SLC14A2: variants seen among roughly 807,000 people sequenced by gnomAD.
SLC14A2 encodes solute carrier family 14 member 2.
Under a neutral mutation model 104.6 loss-of-function variants are expected in SLC14A2, and 91 were observed. That is an observed-to-expected ratio of 0.87 (90% CI 0.73 to 1.04). The LOEUF (loss-of-function observed/expected upper bound fraction) is 1.04. Ranked by LOEUF, SLC14A2 falls within the 50% of genes least tolerant of loss-of-function variation. SLC14A2 has a pLI of 0.00. For synonymous variants in SLC14A2, 476 were observed against 466.4 expected (o/e 1.02, Z -0.27); for missense variants, 1,189 against 1,156.0 (o/e 1.03, Z -0.41).
chr18:45,257,346 T>C (rs547147457), intron 1 of SLC14A2, among the ~76,000 whole-genome samples: 2 of 152,284 alleles, frequency 1.3e-5, no homozygotes, highest in African/African-American at 4.8e-5. Flanking sequence ...AGGAAGTTAT[T>C]CCTAACTTTT....
intron 1 of SLC14A2, among the ~76,000 whole-genome samples, chr18:45,286,258 T>C (rs1424230567): frequency 1.3e-5 from 2 of 152,204 alleles, no homozygotes; most frequent in Non-Finnish European, 2.9e-5. Flanking sequence ...TTTCCATCTT[T>C]GTTCATATAA....
the SLC14A2 span, among the ~76,000 whole-genome samples, chr18:45,183,402 A>C: frequency 6.6e-6 from 1 of 152,112 alleles, no homozygotes; most frequent in African/African-American, 2.4e-5. Flanking sequence ...ATGAGCCTTG[A>C]AGTGGGATGG....
At chr18:45,447,308 G>C (rs1023822412) in intron 1 of SLC14A2, 2 of 152,196 alleles carry the variant, frequency 1.3e-5, no homozygotes, top group Non-Finnish European at 2.9e-5. Flanking sequence ...TGTGGAGACA[G>C]TGACCTCCGG....
intron 1 of SLC14A2, among the ~76,000 whole-genome samples, chr18:45,329,374 CCT>C (rs997876019): frequency 1.3e-5 from 2 of 152,136 alleles, no homozygotes; most frequent in African/African-American, 4.8e-5. Flanking sequence ...CAGCACCCTG[CCT>C]CTAGAGTGAT....
At chr18:45,552,975 G>T (rs1467810855) in intron 2 of SLC14A2, among the ~76,000 whole-genome samples, 1 of 152,202 alleles carries the variant, frequency 6.6e-6, no homozygotes, top group East Asian at 1.9e-4. Flanking sequence ...TGGCTGCAGT[G>T]TTGGCTAGGG....
chr18:45,656,406 A>T (rs575639323), intron 10 of SLC14A2, among the ~76,000 whole-genome samples: 1 of 152,350 alleles, frequency 6.6e-6, no homozygotes, highest in East Asian at 1.9e-4. Context: ...TTGTAAACAC[A>T]TCAGGAAAGC....
the SLC14A2 span, among the ~76,000 whole-genome samples, chr18:45,193,514 A>G: frequency 6.6e-6 from 1 of 152,190 alleles, no homozygotes; most frequent in Non-Finnish European, 1.5e-5. Context: ...GCAGAAAATA[A>G]GTTGGTCATA....
At chr18:45,552,966 G>A (rs1054991354) in intron 2 of SLC14A2, among the ~76,000 whole-genome samples, 1 of 152,194 alleles carries the variant, frequency 6.6e-6, no homozygotes, top group Admixed American at 6.5e-5. Flanking sequence ...GGATCATCCT[G>A]GCTGCAGTGT....
the SLC14A2 span, among the ~76,000 whole-genome samples, chr18:45,174,692 A>C: frequency 6.6e-6 from 1 of 152,168 alleles, no homozygotes; most frequent in Non-Finnish European, 1.5e-5. Context: ...GACCAAAAAC[A>C]CAAGAATTGG....
At chr18:45,255,135 G>A (rs1048395102) in intron 1 of SLC14A2, among the ~76,000 whole-genome samples, 1 of 151,498 alleles carries the variant, frequency 6.6e-6, no homozygotes, top group Non-Finnish European at 1.5e-5. Flanking sequence ...CATTCCCCCC[G>A]AACACACTGT....
intron 5 of SLC14A2, 46 bp from the exon 6 acceptor site, chr18:45,636,944 C>T: frequency 6.7e-7 from 1 of 1,494,718 alleles, no homozygotes; most frequent in Non-Finnish European, 9.2e-7. Flanking sequence ...ACAATGTAGA[C>T]CTCAGGATGT....
At chr18:45,227,247 T>C (rs1333274271) in intron 1 of SLC14A2, among the ~76,000 whole-genome samples, 1 of 152,148 alleles carries the variant, frequency 6.6e-6, no homozygotes, top group African/African-American at 2.4e-5. Context: ...CAGGAATGGC[T>C]TTTTGCAACT....
chr18:45,368,444 A>G (rs1293099460), intron 1 of SLC14A2, among the ~76,000 whole-genome samples: 2 of 152,228 alleles, frequency 1.3e-5, no homozygotes, highest in Non-Finnish European at 2.9e-5. Context: ...ATAAGCCACC[A>G]GGAGTCAGAG....
At chr18:45,579,308 G>T (rs1268656909) in intron 2 of SLC14A2, among the ~76,000 whole-genome samples, 1 of 152,200 alleles carries the variant, frequency 6.6e-6, no homozygotes, top group East Asian at 1.9e-4. Flanking sequence ...CTGTCATGGG[G>T]AGGTTATGAA....
intron 1 of SLC14A2, among the ~76,000 whole-genome samples, chr18:45,400,887 C>A (rs2086088596): frequency 1.3e-5 from 2 of 152,182 alleles, no homozygotes; most frequent in African/African-American, 2.4e-5. Context: ...CTAGATTTGG[C>A]CAGAAGGAGC....
intron 1 of SLC14A2, among the ~76,000 whole-genome samples, chr18:45,362,894 G>A (rs1259961216): frequency 7.3e-6 from 1 of 136,608 alleles, no homozygotes; most frequent in Non-Finnish European, 1.6e-5. Context: ...GGTGTGTGCT[G>A]GATGGAGCTG....
intron 1 of SLC14A2, among the ~76,000 whole-genome samples, chr18:45,292,930 T>C (rs188002555): frequency 6.7e-6 from 1 of 148,908 alleles, no homozygotes; most frequent in East Asian, 2.0e-4. Context: ...TGATATGTGA[T>C]GTGCAAGTTC....
At chr18:45,660,448 C>T (rs2045919610) in intron 10 of SLC14A2, among the ~76,000 whole-genome samples, 1 of 152,212 alleles carries the variant, frequency 6.6e-6, no homozygotes. Context: ...AATGTTCACA[C>T]ATTTGAACAC....
the SLC14A2 span, among the ~76,000 whole-genome samples, chr18:45,184,949 A>G: frequency 2.0e-5 from 3 of 152,208 alleles, no homozygotes; most frequent in African/African-American, 7.2e-5. Context: ...TTCAGGTTTC[A>G]CATCTGCACA....
Sources: allele counts gnomAD v4.1 joint callset (sites outside exome capture counted in the v4.1 genomes callset), GRCh38; gene constraint gnomAD v4.1.1; transcripts MANE v1.5; gene names NCBI Gene and HGNC (gene_info 2026-07-23, HGNC 2026-07-21).